The following BMPER variants were observed in gnomAD, a reference collection of about 807,000 sequenced individuals.
BMPER encodes BMP-binding endothelial regulator protein.
BMPER carries 45 observed loss-of-function variants against 87.3 expected under a neutral mutation model. The observed-to-expected ratio is 0.52, with a 90% confidence interval of 0.41 to 0.66. BMPER has a LOEUF of 0.66. Among genes scored for constraint, BMPER ranks in the 30% least tolerant of loss-of-function variants. The probability of loss-of-function intolerance (pLI) is 0.00; values close to 1 mark genes in which losing one functional copy is unlikely to be tolerated. For missense variants in BMPER, 784 were observed against 867.5 expected, an observed-to-expected ratio of 0.90 and a Z score of 1.21; for synonymous variants, 326 against 316.2, an observed-to-expected ratio of 1.03 and a Z score of -0.33.
chr7:33,919,507 C>A (rs1189013200), intron 2 of BMPER, among the ~76,000 whole-genome samples: 1 of 152,124 alleles, frequency 6.6e-6, no homozygotes, highest in Non-Finnish European at 1.5e-5. Flanking sequence ...ATCCTCAAGA[C>A]CCCTCTGAGG....
intron 6 of BMPER, among the ~76,000 whole-genome samples, chr7:34,026,827 C>T (rs1224043743): frequency 6.6e-6 from 1 of 152,084 alleles, no homozygotes; most frequent in African/African-American, 2.4e-5. Context: ...CTACTGAATA[C>T]CTGAAAATAT....
chr7:34,024,374 AAAAAAAAAC>A (rs1562695081), intron 6 of BMPER, among the ~76,000 whole-genome samples: 4 of 91,232 alleles, frequency 4.4e-5, no homozygotes, highest in African/African-American at 2.1e-4. Context: ...AAAAAAAAAA[AAAAAAAAAC>A]AATATATATA....
Position 33,921,875 on chromosome 7 carries a change from G to A in BMPER, c.219+14972G>A, listed in dbSNP as rs572644735. Reference sequence around the variant, plus strand: ...TCTGGAGGAACCAGACGCAAACAACGCAGAGTTGAGGGCCAGGTGAAGCGG... The same window carrying A: ...TCTGGAGGAACCAGACGCAAACAACACAGAGTTGAGGGCCAGGTGAAGCGG... On this transcript the variant is annotated intron_variant, in intron 2 of 14. Coordinates refer to ENST00000649409, the MANE Select transcript of BMPER (RefSeq NM_001365308.1). The A allele has an allele frequency of 1.7e-5, 8 of 470,340 alleles. 1 individual carries two copies. The East Asian group carries it at 2.8e-4, about 16-fold the overall frequency. The allele number at this position is 470,340 out of a possible 1,614,324, so 29.1% of individuals were successfully genotyped here. A position where few individuals can be genotyped will look rare whatever the true frequency, so the allele number is the denominator to read the frequency against.
At chr7:33,923,080 G>A (rs948640540) in intron 2 of BMPER, among the ~76,000 whole-genome samples, 1 of 152,130 alleles carries the variant, frequency 6.6e-6, no homozygotes, top group Non-Finnish European at 1.5e-5. Context: ...CTGCCTGTAT[G>A]TGTAGACTCT....
chr7:34,082,576 A>G (rs575896603), intron 12 of BMPER, among the ~76,000 whole-genome samples: 1 of 152,198 alleles, frequency 6.6e-6, no homozygotes, highest in East Asian at 1.9e-4. Flanking sequence ...TTATTCTCTT[A>G]CTTTGGGGAT....
At chr7:34,013,807 C>T (rs1032868044) in intron 6 of BMPER, among the ~76,000 whole-genome samples, 12 of 151,888 alleles carry the variant, frequency 7.9e-5, no homozygotes, top group African/African-American at 2.7e-4. Context: ...AACCTTCCCC[C>T]TATGAGTTAT....
intron 13 of BMPER, among the ~76,000 whole-genome samples, chr7:34,108,002 T>A (rs999247041): frequency 1.3e-5 from 2 of 152,306 alleles, no homozygotes; most frequent in African/African-American, 2.4e-5. Flanking sequence ...GTACAATTTT[T>A]AAAAATGCTA....
chr7:33,960,425 G>A (rs1322558767), intron 3 of BMPER, among the ~76,000 whole-genome samples: 2 of 152,306 alleles, frequency 1.3e-5, no homozygotes, highest in Admixed American at 6.5e-5. Flanking sequence ...ATTGGGCTGG[G>A]GTAATTTGGG....
In BMPER at chr7:34,153,134, C is replaced by T. The variant is rs774770661; in HGVS notation, c.1919C>T (p.Pro640Leu). The T allele has an allele frequency of 3.2e-5, 52 of 1,613,816 alleles. No homozygotes were observed. Among genetic ancestry groups the T allele is most frequent in the Admixed American group, 1.7e-4 (10 of 59,970 alleles). The stretch of plus-strand genomic sequence containing the variant: ...GGTGCTGTGTACGATACCTGTGGTC[C>T]GGGATGTATCAAGACGTGTGACAAC... Reference protein sequence around the residue: ...KHGAVYDTCGPGCIKTCDNWN... With the variant: ...KHGAVYDTCGLGCIKTCDNWN... Residue 640 changes from proline to leucine, a missense_variant, in exon 15 of 15, where the codon CCG (proline) becomes CTG (leucine). Coordinates refer to ENST00000649409, the MANE Select transcript of BMPER (RefSeq NM_001365308.1).
At chr7:34,136,103 G>C (rs890334468) in intron 13 of BMPER, among the ~76,000 whole-genome samples, 1 of 152,200 alleles carries the variant, frequency 6.6e-6, no homozygotes, top group African/African-American at 2.4e-5. Flanking sequence ...AGCATGGACA[G>C]TAGCCACAGG....
chr7:33,988,487 G>A (rs898811313), intron 6 of BMPER, among the ~76,000 whole-genome samples: 1 of 152,114 alleles, frequency 6.6e-6, no homozygotes, highest in Non-Finnish European at 1.5e-5. Flanking sequence ...GAAATTTTCA[G>A]AGATTGAAGC....
rs184428040 is a variant in BMPER, at chr7:33,939,135, G to A, written c.319+1747G>A. 4.7e-4 allele frequency among the ~76,000 whole-genome samples: 72 copies of A among 152,266 alleles called. 1 individual carries two copies. Among genetic ancestry groups the A allele is most frequent in the Admixed American group, 4.7e-3 (72 of 15,298 alleles). On this transcript the variant is annotated intron_variant, in intron 3 of 14. Transcript: ENST00000649409. ...TGTCAACGTCTCTCAGGTAATAGAA[G>A]TATTACTGGTGCCCTTCACATGCTT...
intron 13 of BMPER, among the ~76,000 whole-genome samples, chr7:34,119,279 C>A (rs1790202711): frequency 6.6e-6 from 1 of 152,166 alleles, no homozygotes; most frequent in South Asian, 2.1e-4. Flanking sequence ...GGCAGTGCTG[C>A]TCAAAGGAAC....
At chr7:34,138,317 T>G (rs1790774926) in intron 13 of BMPER, among the ~76,000 whole-genome samples, 1 of 152,158 alleles carries the variant, frequency 6.6e-6, no homozygotes, top group Non-Finnish European at 1.5e-5. Context: ...CTGATCCCAC[T>G]ACCGTGCCGA....
At chr7:33,999,943 C>A (rs1786534158) in intron 6 of BMPER, among the ~76,000 whole-genome samples, 1 of 152,218 alleles carries the variant, frequency 6.6e-6, no homozygotes, top group South Asian at 2.1e-4. Flanking sequence ...CCTCATCAAA[C>A]CCTCTAGGGG....
At chr7:34,019,414 C>T (rs2127945455) in intron 6 of BMPER, among the ~76,000 whole-genome samples, 1 of 152,154 alleles carries the variant, frequency 6.6e-6, no homozygotes, top group East Asian at 1.9e-4. Flanking sequence ...GATTTTACTT[C>T]TGGGAATCAA....
At chr7:33,994,797 G>T (rs573842449) in intron 6 of BMPER, among the ~76,000 whole-genome samples, 1 of 152,094 alleles carries the variant, frequency 6.6e-6, no homozygotes, top group Non-Finnish European at 1.5e-5. Context: ...TCTACCATTG[G>T]CTAGTTATGT....
rs3083769 is a variant in BMPER, at chr7:34,061,950, G to GTT, written c.1033-38_1033-37dup. On this transcript the variant is annotated intron_variant, in intron 10 of 14. Coordinates refer to ENST00000649409, the MANE Select transcript of BMPER (RefSeq NM_001365308.1). ...AAGATATTTGTCCTCAGGAGACCCTGTTTTTTTTTTTTTTTAAACAGTAAC... is the reference window on the plus strand; with the variant it reads ...AAGATATTTGTCCTCAGGAGACCCTGTTTTTTTTTTTTTTTTTAAACAGTAAC... 9,509 of 1,156,308 alleles carry GTT rather than the reference G, an allele frequency of 8.2e-3. 6 individuals carry two copies. The highest frequency in any genetic ancestry group is 0.013 in the Middle Eastern group (46 of 3,588). 71.6% of individuals were successfully genotyped at this position (1,156,308 alleles called of 1,614,324 possible).
chr7:33,976,116 T>C (rs1029454862), intron 6 of BMPER, among the ~76,000 whole-genome samples: 12 of 152,168 alleles, frequency 7.9e-5, no homozygotes, highest in African/African-American at 2.9e-4. Flanking sequence ...CTCCATGTTG[T>C]TCCTCTCCTG....
Sources: allele counts gnomAD v4.1 joint callset (sites outside exome capture counted in the v4.1 genomes callset), GRCh38; gene constraint gnomAD v4.1.1; transcripts MANE v1.5; gene names NCBI Gene and HGNC (gene_info 2026-07-23, HGNC 2026-07-21).